The following LRRTM4 variants were observed in gnomAD, a reference collection of about 807,000 sequenced individuals.
The protein encoded by LRRTM4 is leucine-rich repeat transmembrane neuronal protein 4.
In LRRTM4, 25 loss-of-function variants were observed where a neutral mutation model predicts 47.6. That is an observed-to-expected ratio of 0.53 (90% CI 0.38 to 0.73). The LOEUF is 0.73. Among genes scored for constraint, LRRTM4 ranks in the 30% least tolerant of loss-of-function variants. The pLI is 0.00. For synonymous variants in LRRTM4, 311 were observed against 269.5 expected (o/e 1.15, Z -1.51); for missense variants, 638 against 713.4 (o/e 0.89, Z 1.20).
At chr2:76,841,881 TAG>T (rs1671694648) in intron 3 of LRRTM4, among the ~76,000 whole-genome samples, 1 of 152,080 alleles carries the variant, frequency 6.6e-6, no homozygotes, top group African/African-American at 2.4e-5. Flanking sequence ...CTGAAAAAAC[TAG>T]AGAGGAAGAT....
chr2:77,027,547 G>A (rs534179727), intron 3 of LRRTM4, among the ~76,000 whole-genome samples: 2 of 152,224 alleles, frequency 1.3e-5, no homozygotes, highest in South Asian at 2.1e-4. Context: ...AATCAGTATA[G>A]AAGCATTTTA....
intron 3 of LRRTM4, among the ~76,000 whole-genome samples, chr2:76,872,589 G>A (rs1238166377): frequency 1.3e-5 from 2 of 151,918 alleles, no homozygotes; most frequent in African/African-American, 4.8e-5. Flanking sequence ...TATTAATACT[G>A]CTGGTGGGGT....
intron 3 of LRRTM4, among the ~76,000 whole-genome samples, chr2:77,271,705 A>G (rs1676201929): frequency 6.6e-6 from 1 of 152,180 alleles, no homozygotes; most frequent in African/African-American, 2.4e-5. Flanking sequence ...TACTCAGATT[A>G]AAGTTTCTAT....
At chr2:77,297,446 C>G (rs910148702) in intron 3 of LRRTM4, among the ~76,000 whole-genome samples, 1 of 152,146 alleles carries the variant, frequency 6.6e-6, no homozygotes, top group Non-Finnish European at 1.5e-5. Flanking sequence ...AATTTAGAAG[C>G]ATTATCTATA....
chr2:77,370,188 A>T (rs1672609009), intron 3 of LRRTM4, among the ~76,000 whole-genome samples: 1 of 151,714 alleles, frequency 6.6e-6, no homozygotes, highest in South Asian at 2.1e-4. Flanking sequence ...AACTCACAGA[A>T]GACAGTGGGT....
At chr2:77,270,881 C>T (rs988252322) in intron 3 of LRRTM4, among the ~76,000 whole-genome samples, 7 of 152,278 alleles carry the variant, frequency 4.6e-5, no homozygotes, top group African/African-American at 9.6e-5. Flanking sequence ...TCTACACTGC[C>T]GTGCCCACTT....
chr2:76,987,556 C>T (rs954703791), intron 3 of LRRTM4: 9 of 151,724 alleles, frequency 5.9e-5, no homozygotes, highest in Admixed American at 2.6e-4. Flanking sequence ...GTGTATGTTG[C>T]TTACAATAAT....
At chr2:77,389,689 A>G (rs1382351402) in intron 3 of LRRTM4, among the ~76,000 whole-genome samples, 1 of 152,038 alleles carries the variant, frequency 6.6e-6, no homozygotes, top group African/African-American at 2.4e-5. Context: ...TAAAATGTCT[A>G]TTTCAAGAAA....
intron 3 of LRRTM4, among the ~76,000 whole-genome samples, chr2:76,863,278 C>A (rs549311842): frequency 6.6e-6 from 1 of 152,210 alleles, no homozygotes; most frequent in African/African-American, 2.4e-5. Flanking sequence ...TTGAAATTTG[C>A]CAGGCTGAAA....
At chr2:76,868,895 T>C (rs1299781290) in intron 3 of LRRTM4, among the ~76,000 whole-genome samples, 1 of 152,158 alleles carries the variant, frequency 6.6e-6, no homozygotes, top group African/African-American at 2.4e-5. Flanking sequence ...ATTATACCTT[T>C]CCTGGCCACC....
At chr2:77,260,374 CGTGTGTGTGTGTGTGTGTGTGT>C (rs58758948) in intron 3 of LRRTM4, among the ~76,000 whole-genome samples, 5 of 140,398 alleles carry the variant, frequency 3.6e-5, no homozygotes, top group Admixed American at 2.1e-4. Context: ...ACCAAAAAAT[CGTGTGTGTGTGTGTGTGTGTGT>C]GTGTGTGTGT....
At chr2:76,919,663 G>GT (rs1039872849) in intron 3 of LRRTM4, among the ~76,000 whole-genome samples, 42 of 152,182 alleles carry the variant, frequency 2.8e-4, no homozygotes, top group African/African-American at 9.6e-4. Flanking sequence ...CCAACTTCCC[G>GT]TGAATGGCTT....
chr2:76,866,913 C>G (rs1045709541), intron 3 of LRRTM4, among the ~76,000 whole-genome samples: 2 of 152,068 alleles, frequency 1.3e-5, no homozygotes, highest in Non-Finnish European at 2.9e-5. Context: ...GGTCATGTCC[C>G]TTGCAGGGAC....
At chr2:77,447,227 AT>A (rs1251826029) in intron 3 of LRRTM4, among the ~76,000 whole-genome samples, 1 of 147,666 alleles carries the variant, frequency 6.8e-6, no homozygotes, top group Non-Finnish European at 1.5e-5. Flanking sequence ...GAAAATGCAA[AT>A]TTTTCCAAGG....
At chr2:77,440,493 T>C (rs74787043) in intron 3 of LRRTM4, among the ~76,000 whole-genome samples, 9,943 of 152,216 alleles carry the variant, frequency 0.065, 366 homozygotes, top group African/African-American at 0.081. Flanking sequence ...CCGAAATACA[T>C]TTACTTTCTA....
At chr2:77,107,282 A>G (rs1475479475) in intron 3 of LRRTM4, among the ~76,000 whole-genome samples, 6 of 144,778 alleles carry the variant, frequency 4.1e-5, no homozygotes, top group Non-Finnish European at 8.9e-5. Context: ...ACAATAAACA[A>G]TGAACTATAT....
At chr2:77,138,381 A>C (rs1050493853) in intron 3 of LRRTM4, among the ~76,000 whole-genome samples, 1 of 152,210 alleles carries the variant, frequency 6.6e-6, no homozygotes, top group Non-Finnish European at 1.5e-5. Context: ...TACTGGGTAC[A>C]TAACGAAATG....
At chr2:77,332,192 C>A (rs1670997287) in intron 3 of LRRTM4, among the ~76,000 whole-genome samples, 1 of 152,106 alleles carries the variant, frequency 6.6e-6, no homozygotes, top group Non-Finnish European at 1.5e-5. Flanking sequence ...AAAGACAAAA[C>A]AACTTTTTTT....
At chr2:77,362,175 A>AAAG in intron 3 of LRRTM4, among the ~76,000 whole-genome samples, 1 of 151,864 alleles carries the variant, frequency 6.6e-6, no homozygotes, top group African/African-American at 2.4e-5. Context: ...GAAAGAAAGG[A>AAAG]AGGAAGGAAG....
Sources: allele counts gnomAD v4.1 joint callset (sites outside exome capture counted in the v4.1 genomes callset), GRCh38; gene constraint gnomAD v4.1.1; transcripts MANE v1.5; gene names NCBI Gene and HGNC (gene_info 2026-07-23, HGNC 2026-07-21).